Variants in RASSF4 observed in about 807,000 individuals in gnomAD.
RASSF4 encodes ras association domain-containing protein 4.
Under a neutral mutation model 41.1 loss-of-function variants are expected in RASSF4, and 38 were observed. The ratio of observed to expected loss-of-function variants is 0.92; its 90% CI spans 0.71 to 1.21. The LOEUF is 1.21. RASSF4 is among the 50% of genes most tolerant of loss of function. The probability of loss-of-function intolerance (pLI) is 0.00; values close to 1 mark genes in which losing one functional copy is unlikely to be tolerated. For synonymous variants in RASSF4, 179 were observed against 163.4 expected (o/e 1.10, Z -0.73); for missense variants, 414 against 419.4 (o/e 0.99, Z 0.11).
chr10:44,984,034 G>T lies in RASSF4; in HGVS notation c.294G>T (p.Ser98=), dbSNP rs374262152. The T allele has an allele frequency of 1.2e-5, 20 of 1,600,672 alleles. No individual in the cohort carries two copies. Among genetic ancestry groups the T allele is most frequent in the Non-Finnish European group, 1.6e-5 (19 of 1,173,888 alleles). ...TGTCTGTTTTCAGAAAGGAGCCATC[G>T]CCCCAGAACGGGAACATCACAGCCC... ...RRPSCPLKEP[S]PQNGNITAQG... Residue 98 remains serine (S), a synonymous_variant, in exon 5 of 11, where the codon TCG becomes TCT. Transcript: ENST00000340258.
At chr10:44,973,641 C>A (rs1317700771) in intron 3 of RASSF4, among the ~76,000 whole-genome samples, 5 of 152,230 alleles carry the variant, frequency 3.3e-5, no homozygotes, top group African/African-American at 1.2e-4. Flanking sequence ...CCAGGGCATT[C>A]TGGTGGAAGG....
chr10:44,983,162 C>T, intron 4 of RASSF4: 1 of 357,534 alleles, frequency 2.8e-6, no homozygotes, highest in South Asian at 2.2e-5. Flanking sequence ...ATTCAATGCA[C>T]ATTTATCTCC....
intron 5 of RASSF4, chr10:44,984,596 G>C (rs1841845803): frequency 1.7e-6 from 1 of 605,884 alleles, no homozygotes; most frequent in Non-Finnish European, 2.9e-6. Context: ...GAGGGGTATG[G>C]CCATGTGACA....
chr10:44,991,188 T>A (rs1842098799), intron 9 of RASSF4, 119 bp downstream of exon 9: 10 of 950,770 alleles, frequency 1.1e-5, no homozygotes, highest in Non-Finnish European at 1.2e-5. Context: ...AGCTCCACAC[T>A]CTCCCAAAGG....
intron 3 of RASSF4, among the ~76,000 whole-genome samples, chr10:44,972,702 T>C (rs2132772423): frequency 6.6e-6 from 1 of 152,346 alleles, no homozygotes; most frequent in Non-Finnish European, 1.5e-5. Context: ...CCTATCTTGG[T>C]CTAATTCAAC....
intron 6 of RASSF4, among the ~76,000 whole-genome samples, chr10:44,987,062 A>G (rs908057458): frequency 6.6e-6 from 1 of 152,214 alleles, no homozygotes; most frequent in Non-Finnish European, 1.5e-5. Flanking sequence ...TGTCTTGTTA[A>G]CAAGACTTTT....
chr10:44,978,132 G>C, intron 3 of RASSF4: 1 of 1,395,268 alleles, frequency 7.2e-7, no homozygotes, highest in Non-Finnish European at 9.8e-7. Context: ...CACTCCTCTG[G>C]GGCTGCCTGT....
chr10:44,987,621 G>C (rs1390376079), intron 6 of RASSF4, among the ~76,000 whole-genome samples: 1 of 133,608 alleles, frequency 7.5e-6, no homozygotes, highest in East Asian at 2.4e-4. Flanking sequence ...TTGCAAAAAT[G>C]TGCACTTTTT....
chr10:44,974,012 C>T (rs886785942), intron 3 of RASSF4, among the ~76,000 whole-genome samples: 15 of 8,580 alleles, frequency 1.7e-3, no homozygotes, highest in Non-Finnish European at 2.8e-3. Context: ...CCCAGGGTAC[C>T]GGTACCGGCC....
In RASSF4 at chr10:44,989,732, G is replaced by A. The variant is rs1384282565; in HGVS notation, c.685+11G>A. The A allele has an allele frequency of 1.9e-6, 3 of 1,613,094 alleles. No homozygotes were observed. The highest frequency in any genetic ancestry group is 2.5e-6 in the Non-Finnish European group (3 of 1,179,088). On this transcript the variant is annotated intron_variant, in intron 8 of 10. Coordinates refer to ENST00000340258, the MANE Select transcript of RASSF4 (RefSeq NM_032023.4). ...TTCACGAGTCTGGGGGTAAGTACCT[G>A]CCCCACTTCTGGATCGTAAAAGCAA... is the stretch of plus-strand genomic sequence containing the variant.
At chr10:44,963,634 G>C (rs1840793379) in intron 1 of RASSF4, among the ~76,000 whole-genome samples, 1 of 152,196 alleles carries the variant, frequency 6.6e-6, no homozygotes, top group Non-Finnish European at 1.5e-5. Flanking sequence ...CAGGCTCCCA[G>C]CTGTGCCCCA....
In RASSF4 at chr10:44,971,557, C is replaced by T. The variant is rs549168897; in HGVS notation, c.63-216C>T. The stretch of plus-strand genomic sequence containing the variant: ...CCTGTCCCGTGAGTCTCGCCTCCTC[C>T]TCAGCCCGACCCCCATGCCCCCCAC... On this transcript the variant is annotated intron_variant, in intron 2 of 10. Transcript: ENST00000340258. The T allele has an allele frequency of 5.9e-6, 4 of 677,780 alleles. No individual in the cohort carries two copies. In the Admixed American group the frequency reaches 6.1e-5, roughly 10 times the overall value. The allele number at this position is 677,780 out of a possible 1,614,324, so 42.0% of individuals were successfully genotyped here.
intron 1 of RASSF4, among the ~76,000 whole-genome samples, chr10:44,963,052 A>G (rs1047969020): frequency 3.9e-5 from 6 of 152,090 alleles, no homozygotes; most frequent in African/African-American, 1.4e-4. Context: ...AGTAAAGGTG[A>G]GCTGGGCCTG....
In RASSF4 at chr10:44,989,308, C is replaced by T. The variant is rs879835136; in HGVS notation, c.566C>T (p.Thr189Ile). 4.4e-5 allele frequency: 71 copies of T among 1,613,794 alleles called. No homozygotes were observed. The highest frequency in any genetic ancestry group is 5.3e-5 in the African/African-American group (4 of 74,906). Residue 189 changes from threonine to isoleucine, a missense_variant, in exon 7 of 11, where the codon ACC becomes ATC. Transcript: ENST00000340258. Reference sequence around the variant, plus strand: ...TTTACTCCAGCCTATGGATCCGTGACCAATGTGAGGGTCAACAGCACCATG... The same window carrying T: ...TTTACTCCAGCCTATGGATCCGTGATCAATGTGAGGGTCAACAGCACCATG... ...SVFTPAYGSV[T>I]NVRVNSTMTT...
At chr10:44,973,610 G>A (rs906294620) in intron 3 of RASSF4, among the ~76,000 whole-genome samples, 6 of 152,204 alleles carry the variant, frequency 3.9e-5, no homozygotes, top group Non-Finnish European at 7.3e-5. Flanking sequence ...TAGTCTTCCC[G>A]TCCAAGTTTT....
At chr10:44,979,377 T>C (rs1841604579) in intron 3 of RASSF4, among the ~76,000 whole-genome samples, 1 of 152,188 alleles carries the variant, frequency 6.6e-6, no homozygotes, top group Admixed American at 6.5e-5. Flanking sequence ...TGCTAGTGTG[T>C]GCTGTGAATG....
intron 3 of RASSF4, chr10:44,977,810 C>T (rs184720686): frequency 6.9e-6 from 11 of 1,601,240 alleles, no homozygotes; most frequent in East Asian, 2.2e-5. Flanking sequence ...GCGGCCCTTC[C>T]GGCAGGCCTG....
chr10:44,971,451 G>A (rs1238503205), intron 2 of RASSF4: 1 of 545,626 alleles, frequency 1.8e-6, no homozygotes, highest in Non-Finnish European at 3.5e-6. Context: ...AGCAACGCAG[G>A]TGGAGGGCAG....
At chr10:44,989,764 T>TGTTCAGCAAG in intron 8 of RASSF4, 43 bp downstream of exon 8, 1 of 1,558,776 alleles carries the variant, frequency 6.4e-7, no homozygotes, top group Non-Finnish European at 8.9e-7. Flanking sequence ...GCAAAAGGTC[T>TGTTCAGCAAG]CTACCTGTTC....
Sources: allele counts gnomAD v4.1 joint callset (sites outside exome capture counted in the v4.1 genomes callset), GRCh38; gene constraint gnomAD v4.1.1; transcripts MANE v1.5; gene names NCBI Gene and HGNC (gene_info 2026-07-23, HGNC 2026-07-21).